PGLYRP4: variants seen among roughly 807,000 people sequenced by gnomAD.
PGLYRP4 encodes the protein PGRP-I-beta.
Under a neutral mutation model 41.2 loss-of-function variants are expected in PGLYRP4, and 39 were observed. The observed-to-expected ratio is 0.95, with a 90% CI of 0.73 to 1.24. The LOEUF is 1.24. PGLYRP4 is among the 50% of genes most tolerant of loss of function. The pLI, the probability that PGLYRP4 is intolerant of heterozygous loss-of-function variation, is 0.00. For synonymous variants in PGLYRP4, 202 were observed against 186.8 expected (o/e 1.08, Z -0.66); for missense variants, 467 against 460.7 (o/e 1.01, Z -0.13).
intron 6 of PGLYRP4, 91 bp downstream of exon 6, chr1:153,341,536 G>A (rs1229514124): frequency 3.4e-6 from 4 of 1,169,414 alleles, no homozygotes; most frequent in Admixed American, 4.7e-5. Flanking sequence ...AATCTAATGG[G>A]CCCTACTGAA....
chr1:153,332,716 AT>A (rs1271743398), intron 8 of PGLYRP4, among the ~76,000 whole-genome samples: 7 of 152,182 alleles, frequency 4.6e-5, no homozygotes, highest in Admixed American at 2.0e-4. Context: ...CTAGAAATCA[AT>A]ACCAAGAGTA....
In PGLYRP4 at chr1:153,345,421, C is replaced by T. The variant is rs199768934; in HGVS notation, c.140-39G>A. 134 of 1,551,442 alleles carry T rather than the reference C, an allele frequency of 8.6e-5. 2 individuals are homozygous for T. Among genetic ancestry groups the T allele is most frequent in the Middle Eastern group, 1.7e-4 (1 of 5,924 alleles). ...CTCAGCGCACCTGCCCCATCACTACCGCATTAGCCCGCCAAGCTGAACATG... is the reference window on the plus strand; with the variant it reads ...CTCAGCGCACCTGCCCCATCACTACTGCATTAGCCCGCCAAGCTGAACATG... On this transcript the variant is annotated intron_variant, in intron 3 of 8. Coordinates refer to ENST00000359650, the MANE Select transcript of PGLYRP4 (RefSeq NM_020393.4).
chr1:153,346,204 A>T lies in PGLYRP4; in HGVS notation c.50-13T>A. 1 of 1,606,594 alleles carries T rather than the reference A, an allele frequency of 6.2e-7. No homozygotes were observed. Reference sequence around the variant, plus strand: ...CAGGAGGAATCACCTGCAAAGGAATATCCCATTTTGCATCAGAGAGCACCA... The same window carrying T: ...CAGGAGGAATCACCTGCAAAGGAATTTCCCATTTTGCATCAGAGAGCACCA... On this transcript the variant is annotated splice_polypyrimidine_tract_variant and intron_variant, in intron 2 of 8. Transcript: ENST00000359650.
At position 153,345,311 on chromosome 1, in the gene PGLYRP4, G is replaced by T; in HGVS notation, c.211C>A (p.Gln71Lys). Residue 71 changes from glutamine (Q) to lysine (K), a missense_variant, in exon 4 of 9, where the codon CAG becomes AAG. By Grantham distance (53) the Gln-to-Lys change is moderately conservative. Transcript: ENST00000359650. ...AGGACATTCACTGGCGTGGTCAGCT[G>T]AATACTGCAGCCAACAGCTTCTGCC... ...WGAEAVGCSI[Q>K]LTTPVNVLVI... 1 of 1,614,172 alleles carries T rather than the reference G, an allele frequency of 6.2e-7. No homozygotes were observed. Among genetic ancestry groups the T allele is most frequent in the Non-Finnish European group, 8.5e-7 (1 of 1,180,024 alleles).
In PGLYRP4 at chr1:153,347,941, G is replaced by A; in HGVS notation, c.-9C>T. 1 of 1,612,352 alleles carries A rather than the reference G, an allele frequency of 6.2e-7. No individual in the cohort carries two copies. The highest frequency in any genetic ancestry group is 8.5e-7 in the Non-Finnish European group (1 of 1,178,530). On this transcript the variant is annotated 5_prime_UTR_variant, in exon 2 of 9. Transcript: ENST00000359650. ...AGAAGCCACGGCAGCATCCCCACGT[G>A]GTCCCAGGACACCAATCTGGAGAGT...
chr1:153,332,082 G>A (rs1369620250), intron 8 of PGLYRP4, among the ~76,000 whole-genome samples: 1 of 151,904 alleles, frequency 6.6e-6, no homozygotes, highest in Non-Finnish European at 1.5e-5. Flanking sequence ...CCCCTAACTG[G>A]TAAATAAATT....
intron 4 of PGLYRP4, 93 bp from the exon 5 acceptor site, chr1:153,343,301 C>T: frequency 2.5e-6 from 2 of 811,364 alleles, no homozygotes; most frequent in South Asian, 1.6e-5. Flanking sequence ...TGGAGAAGGA[C>T]TGAAGCTATG....
intron 4 of PGLYRP4, among the ~76,000 whole-genome samples, chr1:153,343,656 G>A (rs771147860): frequency 1.3e-5 from 2 of 152,188 alleles, no homozygotes; most frequent in Non-Finnish European, 2.9e-5. Flanking sequence ...CCAAGAAATA[G>A]CTCCTGAGAC....
intron 2 of PGLYRP4, among the ~76,000 whole-genome samples, chr1:153,346,580 G>A (rs1661019125): frequency 6.6e-6 from 1 of 152,228 alleles, no homozygotes; most frequent in South Asian, 2.1e-4. Context: ...TGAAGAAGGG[G>A]TTAGAATTAC....
At chr1:153,341,870 A>G (rs939115795) in intron 5 of PGLYRP4, 91 bp from the exon 6 acceptor site, 7 of 1,296,030 alleles carry the variant, frequency 5.4e-6, no homozygotes, top group Non-Finnish European at 5.4e-6. Flanking sequence ...CAGCCCCTGC[A>G]CAGCTGATGG....
rs375282229 is a variant in PGLYRP4, at chr1:153,334,650, C to T, written c.943+2531G>A. 1.1e-3 allele frequency among the ~76,000 whole-genome samples: 162 copies of T among 151,708 alleles called. 3 individuals carry two copies. In the South Asian group the frequency reaches 0.03, roughly 28 times the overall value. On this transcript the variant is annotated intron_variant, in intron 8 of 8. Transcript: ENST00000359650. ...TGCCTAAAGCAATCTACAGATTCAA[C>T]GCAGTTCCTATCAAATTACAAACAT...
Position 153,340,401 on chromosome 1 carries a change from C to T in PGLYRP4, c.804G>A (p.Lys268=), listed in dbSNP as rs781496695. The T allele has an allele frequency of 6.2e-7, 1 of 1,614,176 alleles. No individual in the cohort carries two copies. Among genetic ancestry groups the T allele is most frequent in the Non-Finnish European group, 8.5e-7 (1 of 1,180,012 alleles). Residue 268 remains lysine, a synonymous_variant, in exon 7 of 9, where the codon AAG becomes AAA. Coordinates refer to ENST00000359650, the MANE Select transcript of PGLYRP4 (RefSeq NM_020393.4). ...CTCACTTATAACCAATGTCGCATGA[C>T]TTGAGCCTGTCTATGTAGAAAGACT... The part of the protein sequence containing the change: ...DIQSFYIDRL[K]SCDIGYNFLV...
At chr1:153,344,801 C>T (rs1474646844) in intron 4 of PGLYRP4, among the ~76,000 whole-genome samples, 7 of 152,190 alleles carry the variant, frequency 4.6e-5, no homozygotes, top group African/African-American at 1.7e-4. Flanking sequence ...GCCTCCCTCC[C>T]TTGGGCCCCT....
At chr1:153,339,884 G>C (rs900514033) in intron 7 of PGLYRP4, among the ~76,000 whole-genome samples, 3 of 152,236 alleles carry the variant, frequency 2.0e-5, no homozygotes, top group South Asian at 2.1e-4. Flanking sequence ...TCTCTCCCCC[G>C]CCTTCAGACA....
intron 5 of PGLYRP4, among the ~76,000 whole-genome samples, chr1:153,342,493 G>A (rs1298167460): frequency 6.6e-6 from 1 of 152,188 alleles, no homozygotes; most frequent in Non-Finnish European, 1.5e-5. Context: ...TGAGAAACTA[G>A]GTATGTAAGA....
In PGLYRP4 at chr1:153,331,085, G is replaced by T. The variant is rs373081830; in HGVS notation, c.944-140C>A. ...CCCTAGAGACAGGCAAAAAAAACAA[G>T]GTCAAGACTTCAGATTTCTTAGTGC... On this transcript the variant is annotated intron_variant, in intron 8 of 8. Transcript: ENST00000359650. 15 of 579,658 alleles carry T rather than the reference G, an allele frequency of 2.6e-5. No individual in the cohort carries two copies. In the African/African-American group the frequency reaches 2.8e-4, roughly 11 times the overall value. The allele number at this position is 579,658 out of a possible 1,614,324, so 35.9% of individuals were successfully genotyped here. A position where few individuals can be genotyped will look rare whatever the true frequency, so the allele number is the denominator to read the frequency against.
chr1:153,340,360 A>G, intron 7 of PGLYRP4, 21 bp downstream of exon 7: 1 of 1,608,956 alleles, frequency 6.2e-7, no homozygotes, highest in Non-Finnish European at 8.5e-7. Flanking sequence ...AAAGAAGCCC[A>G]GTGTACCCAG....
intron 5 of PGLYRP4, among the ~76,000 whole-genome samples, chr1:153,342,227 G>T (rs1660831426): frequency 6.6e-6 from 1 of 152,190 alleles, no homozygotes; most frequent in South Asian, 2.1e-4. Flanking sequence ...ATGTGCTCAA[G>T]ATCCCAAGCT....
At chr1:153,345,531 T>C in intron 3 of PGLYRP4, 149 bp from the exon 4 acceptor site, 1 of 656,932 alleles carries the variant, frequency 1.5e-6, no homozygotes, top group Non-Finnish European at 2.7e-6. Flanking sequence ...TACATACCCA[T>C]CTCTCCAACA....
Sources: gnomAD v4.1 joint callset for allele counts (sites outside exome capture counted in the v4.1 genomes callset) on GRCh38, gnomAD v4.1.1 for gene constraint, MANE v1.5 for transcripts, NCBI Gene and HGNC (gene_info 2026-07-23, HGNC 2026-07-21) for gene names.